PKNOX2: variants seen among roughly 807,000 people sequenced by gnomAD.
PKNOX2 encodes the protein homeobox protein PKNOX2.
In PKNOX2, 14 loss-of-function variants were observed where a neutral mutation model predicts 53.1. The ratio of observed to expected loss-of-function variants is 0.26; its 90% confidence interval spans 0.17 to 0.41. The LOEUF (loss-of-function observed/expected upper bound fraction) is 0.41. Ranked by LOEUF, PKNOX2 falls within the 10% of genes least tolerant of loss-of-function variation. The pLI, the probability that PKNOX2 is intolerant of heterozygous loss-of-function variation, is 1.00. For missense variants in PKNOX2, 496 were observed against 602.8 expected (o/e 0.82, Z 1.85); for synonymous variants, 257 against 242.8 (o/e 1.06, Z -0.54).
At chr11:125,167,599 C>T (rs989069816) in intron 1 of PKNOX2, among the ~76,000 whole-genome samples, 2 of 152,236 alleles carry the variant, frequency 1.3e-5, no homozygotes, top group Admixed American at 6.5e-5. Context: ...CCGACCACCG[C>T]TCACAGTAAA....
intron 1 of PKNOX2, among the ~76,000 whole-genome samples, chr11:125,213,392 G>A (rs1940102037): frequency 6.6e-6 from 1 of 152,124 alleles, no homozygotes; most frequent in Non-Finnish European, 1.5e-5. Context: ...GAACAAATAA[G>A]ATGCTGGTTT....
intron 4 of PKNOX2, among the ~76,000 whole-genome samples, chr11:125,359,930 G>A (rs1424340103): frequency 1.3e-5 from 2 of 152,136 alleles, no homozygotes; most frequent in Non-Finnish European, 2.9e-5. Context: ...CTCCATGTTG[G>A]TCAGGCTGGT....
chr11:125,322,042 G>T (rs1949541379), intron 2 of PKNOX2, among the ~76,000 whole-genome samples: 1 of 152,102 alleles, frequency 6.6e-6, no homozygotes, highest in Non-Finnish European at 1.5e-5. Context: ...GCACCACAGT[G>T]GGGATCAGGT....
chr11:125,196,591 G>GA (rs1327007741), intron 1 of PKNOX2, among the ~76,000 whole-genome samples: 3 of 152,164 alleles, frequency 2.0e-5, no homozygotes, highest in Non-Finnish European at 4.4e-5. Flanking sequence ...CAGTGCAGGG[G>GA]AGGAGGAAGA....
chr11:125,297,579 A>C (rs4531484), intron 2 of PKNOX2, among the ~76,000 whole-genome samples: 26,778 of 152,096 alleles, frequency 0.18, 2,605 homozygotes, highest in East Asian at 0.24. Flanking sequence ...AGTGTTGTGC[A>C]CTTAAGGAAA....
chr11:125,307,493 G>C (rs1948542335), intron 2 of PKNOX2, among the ~76,000 whole-genome samples: 1 of 152,188 alleles, frequency 6.6e-6, no homozygotes, highest in African/African-American at 2.4e-5. Flanking sequence ...GGGAGGTAGA[G>C]GTTGCAGTGA....
chr11:125,275,062 T>G (rs113775405), intron 2 of PKNOX2, among the ~76,000 whole-genome samples: 51 of 152,308 alleles, frequency 3.3e-4, no homozygotes, highest in African/African-American at 1.2e-3. Context: ...GTCCCTGCCA[T>G]CAAGGATTTC....
In PKNOX2 at chr11:125,431,332, C is replaced by A; in HGVS notation, c.1359C>A (p.Asp453Glu). ...AGGAGGAGCTGGAGGAGGAGGTCGA[C>A]GAGCTGCAGACGACAAATGTCAGCG... Reference protein sequence around the residue: ...EEEEELEEEVDELQTTNVSDL... With the variant: ...EEEEELEEEVEELQTTNVSDL... The change falls in exon 13 of 13, where the codon GAC (aspartate) becomes GAA (glutamate). Residue 453 changes from aspartate (D) to glutamate (E), a missense_variant. This residue lies in a region of PKNOX2 where 139 missense variants were observed against 161.3 expected (regional missense o/e 0.86). Transcript: ENST00000298282. 1 of 1,613,612 alleles carries A rather than the reference C, an allele frequency of 6.2e-7. No homozygotes were observed. The highest frequency in any genetic ancestry group is 8.5e-7 in the Non-Finnish European group (1 of 1,179,944).
chr11:125,340,200 T>G (rs1366882915), intron 3 of PKNOX2, among the ~76,000 whole-genome samples: 1 of 152,200 alleles, frequency 6.6e-6, no homozygotes, highest in Non-Finnish European at 1.5e-5. Flanking sequence ...CATTAACTGA[T>G]GTACAAAAGC....
At chr11:125,197,232 T>A (rs147255053) in intron 1 of PKNOX2, among the ~76,000 whole-genome samples, 2 of 152,304 alleles carry the variant, frequency 1.3e-5, no homozygotes, top group South Asian at 2.1e-4. Flanking sequence ...ATTCATTGCA[T>A]CTGAGATGGG....
chr11:125,248,825 C>T (rs911412623), intron 2 of PKNOX2, among the ~76,000 whole-genome samples: 7 of 145,256 alleles, frequency 4.8e-5, no homozygotes, highest in Non-Finnish European at 1.0e-4. Context: ...ACTTGAATTG[C>T]CCTCAAGTGA....
At chr11:125,271,992 A>G (rs1325442013) in intron 2 of PKNOX2, among the ~76,000 whole-genome samples, 1 of 152,204 alleles carries the variant, frequency 6.6e-6, no homozygotes, top group Non-Finnish European at 1.5e-5. Flanking sequence ...AGGGCCATAG[A>G]CCTCTCAACG....
intron 1 of PKNOX2, among the ~76,000 whole-genome samples, chr11:125,191,972 T>C (rs774319484): frequency 7.2e-5 from 11 of 152,170 alleles, no homozygotes; most frequent in Non-Finnish European, 2.9e-5. Flanking sequence ...TAAAACACAA[T>C]GGAAAGTGGG....
intron 6 of PKNOX2, among the ~76,000 whole-genome samples, chr11:125,387,896 C>G (rs1354427563): frequency 6.6e-6 from 1 of 152,078 alleles, no homozygotes; most frequent in Non-Finnish European, 1.5e-5. Context: ...ATTTGGATGA[C>G]TTAACTCCTT....
At chr11:125,204,620 C>T (rs1184017381) in intron 1 of PKNOX2, among the ~76,000 whole-genome samples, 1 of 152,198 alleles carries the variant, frequency 6.6e-6, no homozygotes, top group African/African-American at 2.4e-5. Flanking sequence ...AATTCCAGAC[C>T]TCTCTTCCAA....
chr11:125,338,305 C>G (rs1208763033), intron 3 of PKNOX2, among the ~76,000 whole-genome samples: 1 of 152,208 alleles, frequency 6.6e-6, no homozygotes, highest in African/African-American at 2.4e-5. Flanking sequence ...AGCTCTTTTT[C>G]TCACGTTTAT....
At position 125,343,396 on chromosome 11, in the gene PKNOX2, T is replaced by C. The variant is rs904930445; in HGVS notation, c.-22-7888T>C. ...CTTCCAGCCAGCATGCTTTTTTTTTTCTGTTTTTTGTTTTATTTTGTTTAA... is the reference window on the plus strand; with the variant it reads ...CTTCCAGCCAGCATGCTTTTTTTTTCCTGTTTTTTGTTTTATTTTGTTTAA... On this transcript the variant is annotated intron_variant, in intron 3 of 12. Transcript: ENST00000298282. Among the ~76,000 whole-genome samples the C allele has an allele frequency of 3.9e-5, 6 of 152,090 alleles. No homozygotes were observed. In the East Asian group the frequency reaches 5.8e-4, roughly 15 times the overall value.
chr11:125,313,181 C>T (rs961921812), intron 2 of PKNOX2, among the ~76,000 whole-genome samples: 2 of 152,118 alleles, frequency 1.3e-5, no homozygotes, highest in African/African-American at 4.8e-5. Flanking sequence ...GTCGAGGGCA[C>T]CCCCAGGTTT....
At chr11:125,376,358 C>A (rs1591547750) in intron 5 of PKNOX2, among the ~76,000 whole-genome samples, 2 of 152,200 alleles carry the variant, frequency 1.3e-5, no homozygotes, top group Admixed American at 6.5e-5. Flanking sequence ...AAAATACATC[C>A]AACCAGGGGC....
Sources: allele counts gnomAD v4.1 joint callset (sites outside exome capture counted in the v4.1 genomes callset), GRCh38; gene constraint gnomAD v4.1.1; regional missense constraint gnomAD v4.1.1; transcripts MANE v1.5; gene names NCBI Gene and HGNC (gene_info 2026-07-23, HGNC 2026-07-21).